ARHGEF10: variants seen among roughly 807,000 people sequenced by gnomAD.
ARHGEF10 encodes Rho guanine nucleotide exchange factor (GEF) 10.
Under a neutral mutation model 147.4 loss-of-function variants are expected in ARHGEF10, and 140 were observed. The observed-to-expected ratio is 0.95, with a 90% CI of 0.83 to 1.09. The LOEUF (loss-of-function observed/expected upper bound fraction) is 1.09. Ranked by LOEUF, ARHGEF10 falls within the 50% of genes least tolerant of loss-of-function variation. The probability of loss-of-function intolerance (pLI) is 0.00; values close to 1 mark genes in which losing one functional copy is unlikely to be tolerated. For missense variants in ARHGEF10, 2,222 were observed against 1,752.7 expected, an observed-to-expected ratio of 1.27 and a Z score of -4.78; for synonymous variants, 902 against 695.8, an observed-to-expected ratio of 1.30 and a Z score of -4.67.
chr8:1,854,558 A>C (rs1005296268), intron 2 of ARHGEF10, among the ~76,000 whole-genome samples: 1 of 138,628 alleles, frequency 7.2e-6, no homozygotes, highest in Non-Finnish European at 1.7e-5. Context: ...AGTGTCTGCC[A>C]GTCTTTCAAT....
intron 18 of ARHGEF10, among the ~76,000 whole-genome samples, chr8:1,909,685 G>C (rs1286377030): frequency 2.0e-5 from 3 of 152,250 alleles, no homozygotes; most frequent in Non-Finnish European, 2.9e-5. Context: ...TGCAGCTGGG[G>C]CTCCTTCGGG....
At chr8:1,858,474 A>G (rs58360183) in intron 3 of ARHGEF10, among the ~76,000 whole-genome samples, 7,598 of 152,302 alleles carry the variant, frequency 0.05, 290 homozygotes, top group East Asian at 0.19. Flanking sequence ...ACTATTTTCC[A>G]TAATTTTCAA....
At chr8:1,887,890 G>C (rs1295017693) in intron 11 of ARHGEF10, among the ~76,000 whole-genome samples, 2 of 150,452 alleles carry the variant, frequency 1.3e-5, no homozygotes, top group Admixed American at 6.6e-5. Flanking sequence ...AGTGCCGTGA[G>C]AGTTGCAAGG....
At chr8:1,845,762 G>C (rs888141693) in intron 2 of ARHGEF10, among the ~76,000 whole-genome samples, 2 of 152,192 alleles carry the variant, frequency 1.3e-5, no homozygotes, top group Non-Finnish European at 2.9e-5. Context: ...TCCACCCATG[G>C]TCTCCACGAC....
Position 1,885,581 on chromosome 8 carries a change from A to G in ARHGEF10, c.1076-20A>G, listed in dbSNP as rs1404201550. The G allele has an allele frequency of 6.4e-7, 1 of 1,551,860 alleles. No individual in the cohort carries two copies. Among genetic ancestry groups the G allele is most frequent in the African/African-American group, 1.4e-5 (1 of 73,636 alleles). On this transcript the variant is annotated intron_variant, in intron 10 of 28. Coordinates refer to ENST00000349830, the MANE Select transcript of ARHGEF10 (RefSeq NM_014629.4). Reference sequence around the variant, plus strand: ...TATTATTTGAATGTAAAATTCATGCATTTTGACTTTTTTTTTAAGATCACA... The same window carrying G: ...TATTATTTGAATGTAAAATTCATGCGTTTTGACTTTTTTTTTAAGATCACA...
intron 1 of ARHGEF10, among the ~76,000 whole-genome samples, chr8:1,838,990 G>T (rs1420217913): frequency 6.8e-6 from 1 of 147,156 alleles, no homozygotes; most frequent in African/African-American, 2.5e-5. Context: ...CTGGCGTGGG[G>T]GCCATCTGGC....
intron 26 of ARHGEF10, among the ~76,000 whole-genome samples, chr8:1,939,933 G>A (rs1475031113): frequency 2.0e-5 from 3 of 152,226 alleles, no homozygotes; most frequent in African/African-American, 7.2e-5. Context: ...CACTTTTGCA[G>A]CAGACGGTGC....
intron 19 of ARHGEF10, 118 bp from the exon 20 acceptor site, chr8:1,923,349 TA>T: frequency 6.8e-7 from 1 of 1,459,948 alleles, no homozygotes; most frequent in Non-Finnish European, 9.4e-7. Flanking sequence ...TTCTTTTTCA[TA>T]ATCTAATAGT....
At chr8:1,900,068 G>A (rs1212399510) in intron 15 of ARHGEF10, among the ~76,000 whole-genome samples, 2 of 152,164 alleles carry the variant, frequency 1.3e-5, no homozygotes, top group African/African-American at 4.8e-5. Flanking sequence ...GGCTTTCTAT[G>A]ATTTATCAGA....
intron 18 of ARHGEF10, among the ~76,000 whole-genome samples, chr8:1,915,121 C>T (rs1030813128): frequency 6.6e-6 from 1 of 152,168 alleles, no homozygotes; most frequent in Non-Finnish European, 1.5e-5. Context: ...AACGGCCTCC[C>T]TTCGTACAGA....
chr8:1,836,280 G>A (rs1585215462), intron 1 of ARHGEF10, among the ~76,000 whole-genome samples: 1 of 152,228 alleles, frequency 6.6e-6, no homozygotes, highest in East Asian at 1.9e-4. Context: ...ATGAAACAAA[G>A]CCTGCAGCCC....
In ARHGEF10 at chr8:1,894,561, T is replaced by C; in HGVS notation, c.1429T>C (p.Phe477Leu). Residue 477 changes from phenylalanine (F) to leucine (L), a missense_variant, in exon 13 of 29, where the codon TTC becomes CTC. By Grantham distance (22) the Phe-to-Leu change is conservative. Transcript: ENST00000349830. ...WDSVEMIGDVFVASFSKSMVL... is the reference protein window; with the variant it reads ...WDSVEMIGDVLVASFSKSMVL... ...CTCCGTGGAAATGATAGGCGATGTC[T>C]TCGTGGCTTCGGTAATTAAGCTGGG... The C allele has an allele frequency of 6.2e-7, 1 of 1,614,092 alleles. No homozygotes were observed. Among genetic ancestry groups the C allele is most frequent in the Non-Finnish European group, 8.5e-7 (1 of 1,179,980 alleles).
intron 18 of ARHGEF10, among the ~76,000 whole-genome samples, chr8:1,915,131 A>G (rs1445564599): frequency 1.3e-5 from 2 of 152,174 alleles, no homozygotes; most frequent in African/African-American, 2.4e-5. Context: ...CTTCGTACAG[A>G]CAACATCTGT....
intron 16 of ARHGEF10, 78 bp downstream of exon 16, chr8:1,903,529 C>A (rs771610940): frequency 1.9e-6 from 3 of 1,566,532 alleles, no homozygotes; most frequent in South Asian, 2.3e-5. Context: ...TCCAGCAATA[C>A]TAATCTTTTG....
intron 18 of ARHGEF10, among the ~76,000 whole-genome samples, chr8:1,916,141 G>A (rs543510730): frequency 2.4e-4 from 37 of 152,202 alleles, no homozygotes; most frequent in Non-Finnish European, 3.5e-4. Flanking sequence ...AAGTGTGGAC[G>A]GCCAGCCCAC....
intron 13 of ARHGEF10, 77 bp downstream of exon 13, chr8:1,894,649 T>C (rs1809826802): frequency 6.5e-7 from 1 of 1,538,096 alleles, no homozygotes; most frequent in Admixed American, 1.7e-5. Context: ...AGGCTGATGT[T>C]TTGCCCCTGA....
rs149510195 is a variant in ARHGEF10 at position 1,902,921 on chromosome 8, G to A, written c.1651-360G>A. Reference sequence around the variant, plus strand: ...GACTGGTGTTTTGAAGAAAGTAGCTGGACCCATCTGTGCATGGGTTCATCT... The same window carrying A: ...GACTGGTGTTTTGAAGAAAGTAGCTAGACCCATCTGTGCATGGGTTCATCT... On this transcript the variant is annotated intron_variant, in intron 15 of 28. Coordinates refer to ENST00000349830, the MANE Select transcript of ARHGEF10 (RefSeq NM_014629.4). Among the ~76,000 whole-genome samples the A allele has an allele frequency of 2.6e-5, 4 of 152,300 alleles. No individual in the cohort carries two copies. In the East Asian group the frequency reaches 7.7e-4, roughly 29 times the overall value.
At chr8:1,914,374 G>A (rs758571810) in intron 18 of ARHGEF10, among the ~76,000 whole-genome samples, 1 of 152,370 alleles carries the variant, frequency 6.6e-6, no homozygotes, top group Non-Finnish European at 1.5e-5. Context: ...CACAGTGACC[G>A]ATGTGGGACC....
At chr8:1,887,601 A>AG (rs1407695751) in intron 11 of ARHGEF10, among the ~76,000 whole-genome samples, 1 of 148,218 alleles carries the variant, frequency 6.7e-6, no homozygotes, top group Non-Finnish European at 1.5e-5. Flanking sequence ...GTCTGTGAGA[A>AG]GTCCCTGAGC....
Sources: gnomAD v4.1 joint callset for allele counts (sites outside exome capture counted in the v4.1 genomes callset) on GRCh38, gnomAD v4.1.1 for gene constraint, MANE v1.5 for transcripts, NCBI Gene and HGNC (gene_info 2026-07-23, HGNC 2026-07-21) for gene names.